The following PITPNA variants were observed in gnomAD, a reference collection of about 807,000 sequenced individuals.
PITPNA encodes phosphatidylinositol transfer protein alpha, also known as phosphatidylinositol transfer protein alpha isoform.
In PITPNA, 13 loss-of-function variants were observed where a neutral mutation model predicts 50.3. The observed-to-expected ratio is 0.26, with a 90% CI of 0.17 to 0.41. PITPNA has a LOEUF of 0.41. PITPNA is among the 10% of genes least tolerant of loss of function. PITPNA has a pLI of 1.00. For synonymous variants in PITPNA, 120 were observed against 119.6 expected, an observed-to-expected ratio of 1.00 and a Z score of -0.02; for missense variants, 207 against 333.4, an observed-to-expected ratio of 0.62 and a Z score of 2.95.
At chr17:1,556,577 C>T (rs915018542) in intron 2 of PITPNA, among the ~76,000 whole-genome samples, 1 of 152,148 alleles carries the variant, frequency 6.6e-6, no homozygotes, top group African/African-American at 2.4e-5. Context: ...TCTCGCCCTT[C>T]GTTCCATCAA....
At chr17:1,542,915 C>T (rs542344883) in intron 5 of PITPNA, 105 bp downstream of exon 5, 9 of 855,694 alleles carry the variant, frequency 1.1e-5, no homozygotes, top group Non-Finnish European at 1.7e-5. Flanking sequence ...CAACTCCAAA[C>T]ATCAGCCAAG....
chr17:1,525,865 T>G (rs1251440546), intron 10 of PITPNA, among the ~76,000 whole-genome samples: 1 of 152,182 alleles, frequency 6.6e-6, no homozygotes, highest in Non-Finnish European at 1.5e-5. Context: ...AGATTGGAAT[T>G]AGATGCATTT....
Position 1,518,073 on chromosome 17 carries a change from A to G in PITPNA, c.*2488T>C, listed in dbSNP as rs962433004. On this transcript the variant is annotated 3_prime_UTR_variant, in exon 12 of 12. Coordinates refer to ENST00000313486, the MANE Select transcript of PITPNA (RefSeq NM_006224.4). ...AGACAAAAAGGCACAAACTCACATTAAATAAACAAGGTAATCTAATCAATT... is the reference window on the plus strand; with the variant it reads ...AGACAAAAAGGCACAAACTCACATTGAATAAACAAGGTAATCTAATCAATT... The G allele has an allele frequency of 6.6e-6, 1 of 152,670 alleles. No individual in the cohort carries two copies. Among genetic ancestry groups the G allele is most frequent in the East Asian group, 1.9e-4 (1 of 5,206 alleles). 9.5% of individuals were successfully genotyped at this position (152,670 alleles called of 1,614,324 possible).
At chr17:1,555,724 C>G (rs889413130) in intron 2 of PITPNA, among the ~76,000 whole-genome samples, 5 of 152,222 alleles carry the variant, frequency 3.3e-5, no homozygotes, top group Non-Finnish European at 5.9e-5. Flanking sequence ...CAACATGGCC[C>G]TGTCAGGCTG....
Position 1,534,890 on chromosome 17 carries a change from G to A in PITPNA, c.645+292C>T, listed in dbSNP as rs1029021198. Among the ~76,000 whole-genome samples, 9 of 152,194 alleles carry A rather than the reference G, an allele frequency of 5.9e-5. No individual in the cohort carries two copies. The East Asian group carries it at 7.7e-4, about 13-fold the overall frequency. ...AGGGAAGGTGGGCAGCTGGGAAGCCGCCAAACTGTGAGGTATGCTCATGTT... is the reference window on the plus strand; with the variant it reads ...AGGGAAGGTGGGCAGCTGGGAAGCCACCAAACTGTGAGGTATGCTCATGTT... On this transcript the variant is annotated intron_variant, in intron 9 of 11. Coordinates refer to ENST00000313486, the MANE Select transcript of PITPNA (RefSeq NM_006224.4).
chr17:1,535,510 C>T lies in PITPNA; in HGVS notation c.465G>A (p.Lys155=). ...TAAATTTTGCTGGGTCTTCCTCTGC[C>T]TTGTAATCCTGAGAGAAATTGTGGA... The part of the protein sequence containing the change: ...DRSQVLSKDY[K]AEEDPAKFKS... The change falls in exon 8 of 12, where the codon AAG becomes AAA. Residue 155 remains lysine (K), a synonymous_variant. Coordinates refer to ENST00000313486, the MANE Select transcript of PITPNA (RefSeq NM_006224.4). 1.9e-6 allele frequency: 3 copies of T among 1,611,650 alleles called. No homozygotes were observed. The highest frequency in any genetic ancestry group is 2.5e-6 in the Non-Finnish European group (3 of 1,177,740).
At chr17:1,541,772 GTTA>G in intron 5 of PITPNA, 132 bp from the exon 6 acceptor site, 1 of 725,638 alleles carries the variant, frequency 1.4e-6, no homozygotes, top group East Asian at 2.7e-5. Flanking sequence ...TGTAATAACA[GTTA>G]ACTTGACTGG....
intron 10 of PITPNA, among the ~76,000 whole-genome samples, chr17:1,533,856 G>A (rs558152232): frequency 2.2e-4 from 33 of 152,122 alleles, no homozygotes; most frequent in African/African-American, 7.7e-4. Context: ...CTTGGCATTC[G>A]GCACATACTG....
intron 10 of PITPNA, among the ~76,000 whole-genome samples, chr17:1,526,378 T>C (rs1468754483): frequency 6.6e-6 from 1 of 152,206 alleles, no homozygotes; most frequent in Admixed American, 6.5e-5. Flanking sequence ...AAGCGCGTGA[T>C]TCTGGGCTGT....
chr17:1,524,045 CTTTTTTTTTT>C (rs71148495), intron 10 of PITPNA, among the ~76,000 whole-genome samples: 2 of 101,928 alleles, frequency 2.0e-5, no homozygotes, highest in Non-Finnish European at 4.1e-5. Context: ...TTTCTTTTTT[CTTTTTTTTTT>C]TTTTTTTGAG....
Position 1,552,081 on chromosome 17 carries a change from A to G in PITPNA, c.197+923T>C, listed in dbSNP as rs143116635. ...TCTGACACCATCAAAGTGACAGACC[A>G]CAGTGAAGTGGGGCTTTTTCCAAAT... On this transcript the variant is annotated intron_variant, in intron 3 of 11. Transcript: ENST00000313486. 9.9e-4 allele frequency among the ~76,000 whole-genome samples: 151 copies of G among 152,354 alleles called. No homozygotes were observed. In the East Asian group the frequency reaches 0.023, roughly 24 times the overall value.
rs753764282 is a variant in PITPNA, at chr17:1,538,889, G to C, written c.436C>G (p.Arg146Gly). The stretch of plus-strand genomic sequence containing the variant: ...CCTACCTTGCTGAGCACTTGGCTTC[G>C]ATCTGCAATGTCTATATATACGGCT... ...VEAVYIDIAD[R>G]SQVLSKDYKA... is the part of the protein sequence containing the mutation. The change falls in exon 7 of 12, where the codon CGA (arginine) becomes GGA (glycine). Residue 146 changes from arginine to glycine, a missense_variant. Coordinates refer to ENST00000313486, the MANE Select transcript of PITPNA (RefSeq NM_006224.4). 27 of 1,613,040 alleles carry C rather than the reference G, an allele frequency of 1.7e-5. No individual in the cohort carries two copies. The highest frequency in any genetic ancestry group is 6.7e-5 in the Admixed American group (4 of 60,000).
rs745738833 is a variant in PITPNA at position 1,542,611 on chromosome 17, G to A, written c.297+409C>T. The stretch of plus-strand genomic sequence containing the variant: ...GCGGGTGGGCAATGACAGAGGGGAC[G>A]GCTGTGGAAGAGAAACCCCGCTGAC... On this transcript the variant is annotated intron_variant, in intron 5 of 11. Coordinates refer to ENST00000313486, the MANE Select transcript of PITPNA (RefSeq NM_006224.4). Among the ~76,000 whole-genome samples the A allele has an allele frequency of 1.4e-4, 22 of 152,302 alleles. 1 individual carries two copies. The highest frequency in any genetic ancestry group is 6.5e-4 in the Admixed American group (10 of 15,294).
chr17:1,559,133 A>T (rs1255540730), intron 1 of PITPNA, among the ~76,000 whole-genome samples: 4 of 152,122 alleles, frequency 2.6e-5, no homozygotes, highest in African/African-American at 4.8e-5. Context: ...GAAGGGACCA[A>T]GCCCCTTGAA....
At chr17:1,540,804 C>G (rs2075644532) in intron 6 of PITPNA, among the ~76,000 whole-genome samples, 1 of 152,196 alleles carries the variant, frequency 6.6e-6, no homozygotes, top group Non-Finnish European at 1.5e-5. Flanking sequence ...CCAGGATGGT[C>G]TCGATCTCCT....
At chr17:1,528,117 A>G (rs979527399) in intron 10 of PITPNA, among the ~76,000 whole-genome samples, 1 of 152,114 alleles carries the variant, frequency 6.6e-6, no homozygotes, top group African/African-American at 2.4e-5. Context: ...GTTGAATCCA[A>G]GCGTTTCAGG....
At chr17:1,531,093 C>T (rs2075579647) in intron 10 of PITPNA, among the ~76,000 whole-genome samples, 1 of 152,094 alleles carries the variant, frequency 6.6e-6, no homozygotes, top group South Asian at 2.1e-4. Flanking sequence ...CTGAGGGAAC[C>T]CTGACCTCAG....
chr17:1,544,713 G>A (rs967950407), intron 4 of PITPNA, among the ~76,000 whole-genome samples: 1 of 152,224 alleles, frequency 6.6e-6, no homozygotes, highest in African/African-American at 2.4e-5. Flanking sequence ...CAAGGCGGGC[G>A]GATCACCTGA....
intron 11 of PITPNA, among the ~76,000 whole-genome samples, 168 bp from the exon 12 acceptor site, chr17:1,520,706 A>G (rs550936411): frequency 2.0e-5 from 3 of 151,734 alleles, no homozygotes; most frequent in Non-Finnish European, 3.0e-5. Context: ...CTGGCATCAC[A>G]GCAGTCCGCC....
Sources: allele counts gnomAD v4.1 joint callset (sites outside exome capture counted in the v4.1 genomes callset), GRCh38; gene constraint gnomAD v4.1.1; transcripts MANE v1.5; gene names NCBI Gene and HGNC (gene_info 2026-07-23, HGNC 2026-07-21).